Variants in PTK7 observed in about 807,000 individuals in gnomAD.
PTK7 encodes the protein inactive tyrosine-protein kinase 7.
A neutral mutation model predicts 116.6 loss-of-function variants in PTK7; 39 were observed. The ratio of observed to expected loss-of-function variants is 0.33; its 90% CI spans 0.26 to 0.44. PTK7 has a LOEUF of 0.44. Ranked by LOEUF, PTK7 falls within the 20% of genes least tolerant of loss-of-function variation. PTK7 has a pLI of 1.00. For synonymous variants in PTK7, 546 were observed against 563.6 expected, an observed-to-expected ratio of 0.97 and a Z score of 0.44; for missense variants, 1,169 against 1,425.6, an observed-to-expected ratio of 0.82 and a Z score of 2.90.
At position 43,112,780 on chromosome 6, in the gene PTK7, T is replaced by G. The variant is rs1035365433; in HGVS notation, c.80-16197T>G. Among the ~76,000 whole-genome samples, 10 of 152,228 alleles carry G rather than the reference T, an allele frequency of 6.6e-5. No individual in the cohort carries two copies. The East Asian group carries it at 1.7e-3, about 27-fold the overall frequency. On this transcript the variant is annotated intron_variant, in intron 1 of 19. Coordinates refer to ENST00000230419, the MANE Select transcript of PTK7 (RefSeq NM_002821.5). ...GACTTGCTCAGAGCCAAGTCTAGGA[T>G]GTAGGTCTTTCTGCCTTTGGTGGCT...
At chr6:43,098,729 A>G (rs1359909788) in intron 1 of PTK7, among the ~76,000 whole-genome samples, 1 of 151,846 alleles carries the variant, frequency 6.6e-6, no homozygotes, top group Non-Finnish European at 1.5e-5. Context: ...TTTGCAGATC[A>G]TAAGAGGTGA....
At chr6:43,137,781 CTTCTT>C (rs1415994131) in intron 7 of PTK7, among the ~76,000 whole-genome samples, 12 of 152,112 alleles carry the variant, frequency 7.9e-5, no homozygotes, top group Admixed American at 7.2e-4. Flanking sequence ...ACCATTACTT[CTTCTT>C]TTTTTATTAT....
intron 1 of PTK7, among the ~76,000 whole-genome samples, chr6:43,114,199 T>C (rs1768362425): frequency 6.6e-6 from 1 of 152,196 alleles, no homozygotes; most frequent in Non-Finnish European, 1.5e-5. Flanking sequence ...CACGTGTGCG[T>C]GCTGTTTCTT....
At chr6:43,149,831 A>G (rs1372430714) in intron 17 of PTK7, among the ~76,000 whole-genome samples, 1 of 152,108 alleles carries the variant, frequency 6.6e-6, no homozygotes, top group Non-Finnish European at 1.5e-5. Flanking sequence ...TTTTTTGTAG[A>G]AATGGGGGTC....
chr6:43,154,518 C>G (rs1192367003), intron 17 of PTK7, among the ~76,000 whole-genome samples: 2 of 152,138 alleles, frequency 1.3e-5, no homozygotes, highest in African/African-American at 4.8e-5. Flanking sequence ...ATGAATGATG[C>G]TCTTACTAAG....
At position 43,130,495 on chromosome 6, in the gene PTK7, A is replaced by T. The variant is rs1393576682; in HGVS notation, c.662-16A>T. On this transcript the variant is annotated splice_polypyrimidine_tract_variant and intron_variant, in intron 4 of 19. Transcript: ENST00000230419. ...CACCACCCAGGCTGCATGCTCCCCC[A>T]TCTTTCCCTCTCCAGATGAAAGCTT... 6.2e-7 allele frequency: 1 copy of T among 1,612,832 alleles called. No homozygotes were observed. The highest frequency in any genetic ancestry group is 8.5e-7 in the Non-Finnish European group (1 of 1,179,170).
chr6:43,091,146 G>C lies in PTK7; in HGVS notation c.79+14579G>C, dbSNP rs556717748. On this transcript the variant is annotated intron_variant, in intron 1 of 19. Transcript: ENST00000230419. ...AGTTTACTTCACTTCTCTGAGCTTCGGTTTCCTCTTTTTTTTTTTTTTTTT... is the reference window on the plus strand; with the variant it reads ...AGTTTACTTCACTTCTCTGAGCTTCCGTTTCCTCTTTTTTTTTTTTTTTTT... Among the ~76,000 whole-genome samples the C allele has an allele frequency of 1.5e-4, 23 of 150,642 alleles. No homozygotes were observed. The South Asian group carries it at 4.6e-3, about 30-fold the overall frequency.
chr6:43,093,913 C>A (rs887970560), intron 1 of PTK7, among the ~76,000 whole-genome samples: 5 of 152,286 alleles, frequency 3.3e-5, no homozygotes, highest in Admixed American at 3.3e-4. Flanking sequence ...TTCCCACTGG[C>A]CACTTCATGC....
chr6:43,125,300 A>T (rs1361180532), intron 1 of PTK7, among the ~76,000 whole-genome samples: 12 of 152,218 alleles, frequency 7.9e-5, no homozygotes, highest in Non-Finnish European at 1.6e-4. Flanking sequence ...TCCCAGGCCC[A>T]GTCGTTGGGG....
chr6:43,140,362 A>T (rs1770324010), intron 10 of PTK7, among the ~76,000 whole-genome samples: 1 of 151,374 alleles, frequency 6.6e-6, no homozygotes, highest in Non-Finnish European at 1.5e-5. Flanking sequence ...CTGAGGTAGG[A>T]GAATTGTTTG....
intron 1 of PTK7, among the ~76,000 whole-genome samples, chr6:43,087,028 C>T (rs2150374226): frequency 6.6e-6 from 1 of 152,282 alleles, no homozygotes; most frequent in Admixed American, 6.5e-5. Context: ...TCTTTGTTTC[C>T]CAGCTGATGG....
intron 1 of PTK7, among the ~76,000 whole-genome samples, chr6:43,119,150 G>A (rs1012593139): frequency 6.6e-6 from 1 of 152,118 alleles, no homozygotes; most frequent in South Asian, 2.1e-4. Flanking sequence ...GTGAGGCAGG[G>A]TTGGGTGCAG....
Position 43,143,493 on chromosome 6 carries a change from G to T in PTK7, c.2124G>T (p.Ser708=). ...AGATGATCCAGACCATTGGGTTGTC[G>T]GTGGGTGCCGCTGTGGCCTACATCA... ...PYKMIQTIGL[S]VGAAVAYIIA... The change falls in exon 14 of 20, where the codon TCG becomes TCT. Residue 708 remains serine, a synonymous_variant. Coordinates refer to ENST00000230419, the MANE Select transcript of PTK7 (RefSeq NM_002821.5). This position sits in a 1 kb window ranked among gnomAD's most constrained non-coding sequence, Gnocchi z 4.2. 1 of 1,614,090 alleles carries T rather than the reference G, an allele frequency of 6.2e-7. No homozygotes were observed. The highest frequency in any genetic ancestry group is 8.5e-7 in the Non-Finnish European group (1 of 1,180,030).
chr6:43,109,141 G>A (rs1190699094), intron 1 of PTK7, among the ~76,000 whole-genome samples: 5 of 152,164 alleles, frequency 3.3e-5, no homozygotes, highest in Admixed American at 6.5e-5. Flanking sequence ...TTACCCTTAC[G>A]AATGCTTAAG....
At chr6:43,085,724 G>A (rs1454433875) in intron 1 of PTK7, among the ~76,000 whole-genome samples, 4 of 151,432 alleles carry the variant, frequency 2.6e-5, no homozygotes, top group South Asian at 2.1e-4. Flanking sequence ...ACCTGAGGTC[G>A]GGAGTTCGAG....
In PTK7 at chr6:43,096,112, G is replaced by A. The variant is rs577858903; in HGVS notation, c.79+19545G>A. ...TCTGTGGGTCTCCCGCCAGCGGCTG[G>A]CCTCTCGGGTGAAGATGTGGCAGCT... On this transcript the variant is annotated intron_variant, in intron 1 of 19. Transcript: ENST00000230419. Among the ~76,000 whole-genome samples, 70 of 152,310 alleles carry A rather than the reference G, an allele frequency of 4.6e-4. 1 individual carries two copies. The highest frequency in any genetic ancestry group is 3.7e-3 in the Admixed American group (57 of 15,304).
chr6:43,113,220 C>T (rs370032277), intron 1 of PTK7, among the ~76,000 whole-genome samples: 165 of 152,086 alleles, frequency 1.1e-3, no homozygotes, highest in African/African-American at 3.5e-3. Context: ...TCGTTTGAGG[C>T]CAGGAGTTTG....
At chr6:43,106,804 C>T (rs945160784) in intron 1 of PTK7, among the ~76,000 whole-genome samples, 6 of 151,620 alleles carry the variant, frequency 4.0e-5, no homozygotes, top group African/African-American at 9.7e-5. Context: ...TTAGTACAGA[C>T]GGGGTTTTAC....
intron 17 of PTK7, among the ~76,000 whole-genome samples, chr6:43,151,061 T>C (rs1258318160): frequency 6.6e-6 from 1 of 151,982 alleles, no homozygotes; most frequent in Non-Finnish European, 1.5e-5. Flanking sequence ...GACCTTGTGA[T>C]CCACCCACCT....
Sources: allele counts gnomAD v4.1 joint callset (sites outside exome capture counted in the v4.1 genomes callset), GRCh38; gene constraint gnomAD v4.1.1; non-coding constraint Gnocchi (gnomAD v3.1); transcripts MANE v1.5; gene names NCBI Gene and HGNC (gene_info 2026-07-23, HGNC 2026-07-21).